ANKFN1: variants seen among roughly 807,000 people sequenced by gnomAD.
ANKFN1 encodes ankyrin repeat and fibronectin type III domain containing 1, also known as ankyrin repeat and fibronectin type-III domain-containing protein 1.
In ANKFN1, 74 loss-of-function variants were observed where a neutral mutation model predicts 108.7. The ratio of observed to expected loss-of-function variants is 0.68; its 90% CI spans 0.56 to 0.83. The LOEUF (loss-of-function observed/expected upper bound fraction) is 0.83. Among genes scored for constraint, ANKFN1 ranks in the 40% least tolerant of loss-of-function variants. The probability of loss-of-function intolerance (pLI) is 0.00; values close to 1 mark genes in which losing one functional copy is unlikely to be tolerated. For missense variants in ANKFN1, 1,505 were observed against 1,382.3 expected (o/e 1.09, Z -1.41); for synonymous variants, 547 against 516.2 (o/e 1.06, Z -0.81).
chr17:56,097,109 G>C lies in ANKFN1; in HGVS notation c.288+50784G>C, dbSNP rs113923658. On this transcript the variant is annotated intron_variant, in intron 4 of 12. Coordinates refer to the ANKFN1 transcript ENST00000635860. ...TACTTGAGGGTGGAGGGTAGGAGGA[G>C]GGTGAACATCAAAAAACTATCAGGT... Among the ~76,000 whole-genome samples, 1,366 of 152,242 alleles carry C rather than the reference G, an allele frequency of 9.0e-3. 21 individuals are homozygous for C. Among genetic ancestry groups the C allele is most frequent in the African/African-American group, 0.031 (1,296 of 41,542 alleles).
At chr17:56,086,383 C>A (rs901065877) in intron 4 of ANKFN1, among the ~76,000 whole-genome samples, 3 of 151,314 alleles carry the variant, frequency 2.0e-5, no homozygotes, top group African/African-American at 7.3e-5. Flanking sequence ...CCAGCCTGGG[C>A]AACAAGAGCA....
intron 6 of ANKFN1, among the ~76,000 whole-genome samples, chr17:56,360,358 C>T (rs556257214): frequency 6.6e-6 from 1 of 152,308 alleles, no homozygotes; most frequent in South Asian, 2.1e-4. Context: ...TTAACATTCA[C>T]ATTTCAGCTT....
At chr17:56,349,065 A>G (rs184768981) in intron 4 of ANKFN1, among the ~76,000 whole-genome samples, 138 of 152,318 alleles carry the variant, frequency 9.1e-4, no homozygotes, top group African/African-American at 3.3e-3. Flanking sequence ...AAATGAGATC[A>G]TGTTCTTTGT....
At chr17:56,084,554 G>A (rs1316282396) in intron 4 of ANKFN1, among the ~76,000 whole-genome samples, 1 of 151,320 alleles carries the variant, frequency 6.6e-6, no homozygotes, top group Non-Finnish European at 1.5e-5. Context: ...TGAAAATATC[G>A]AGCTGTGCTC....
intron 4 of ANKFN1, among the ~76,000 whole-genome samples, chr17:56,342,090 C>G (rs2045974139): frequency 6.6e-6 from 1 of 151,976 alleles, no homozygotes; most frequent in Non-Finnish European, 1.5e-5. Context: ...GGTTTATGTG[C>G]ATAGAGGTGT....
chr17:56,146,234 C>A (rs1206303024), intron 4 of ANKFN1, among the ~76,000 whole-genome samples: 2 of 152,086 alleles, frequency 1.3e-5, no homozygotes, highest in Admixed American at 6.5e-5. Context: ...GGGTACAGGC[C>A]CCCTCTCAGC....
intron 11 of ANKFN1, among the ~76,000 whole-genome samples, 194 bp downstream of exon 11, chr17:56,449,380 C>G (rs1199843053): frequency 6.6e-6 from 1 of 152,078 alleles, no homozygotes; most frequent in Non-Finnish European, 1.5e-5. Context: ...TCGCTCACTT[C>G]CTTTCCCTCT....
intron 8 of ANKFN1, among the ~76,000 whole-genome samples, chr17:56,409,679 G>C (rs1197380404): frequency 6.6e-6 from 1 of 152,132 alleles, no homozygotes; most frequent in Non-Finnish European, 1.5e-5. Flanking sequence ...TGTTCCTCCT[G>C]ATTGAGCCAA....
intron 6 of ANKFN1, among the ~76,000 whole-genome samples, chr17:56,357,995 G>A (rs1251144150): frequency 2.0e-5 from 3 of 152,134 alleles, no homozygotes; most frequent in African/African-American, 7.2e-5. Context: ...GTGCAGTCAG[G>A]ATTTGAACCC....
intron 3 of ANKFN1, among the ~76,000 whole-genome samples, chr17:56,319,448 A>G (rs2045301570): frequency 6.6e-6 from 1 of 152,192 alleles, no homozygotes; most frequent in African/African-American, 2.4e-5. Context: ...GCTTTGAATC[A>G]CCAATAAAAG....
At chr17:56,198,352 A>G (rs1209906110) in intron 1 of ANKFN1, among the ~76,000 whole-genome samples, 1 of 152,150 alleles carries the variant, frequency 6.6e-6, no homozygotes, top group East Asian at 1.9e-4. Context: ...TCTCACATGC[A>G]CTGTTCACAG....
At chr17:56,285,744 C>G (rs1166805455) in intron 3 of ANKFN1, among the ~76,000 whole-genome samples, 1 of 152,106 alleles carries the variant, frequency 6.6e-6, no homozygotes. Flanking sequence ...CCTCAATTCT[C>G]CAAATAGTCT....
chr17:56,363,595 A>T (rs1450478680), intron 6 of ANKFN1, among the ~76,000 whole-genome samples: 1 of 152,196 alleles, frequency 6.6e-6, no homozygotes, highest in Non-Finnish European at 1.5e-5. Context: ...GTTTGAAATC[A>T]GTTTGTCAAA....
At chr17:56,279,928 AGC>A (rs1191852706) in intron 3 of ANKFN1, among the ~76,000 whole-genome samples, 1 of 151,968 alleles carries the variant, frequency 6.6e-6, no homozygotes, top group Non-Finnish European at 1.5e-5. Flanking sequence ...TTAAAAGGAG[AGC>A]TTTTAAAAAT....
At chr17:56,381,613 C>G (rs2047107172) in intron 8 of ANKFN1, among the ~76,000 whole-genome samples, 4 of 152,116 alleles carry the variant, frequency 2.6e-5, no homozygotes, top group Non-Finnish European at 2.9e-5. Context: ...AGCTGAAAGC[C>G]AAGGCTCGAG....
At chr17:56,209,479 A>G (rs1914800061) in intron 1 of ANKFN1, among the ~76,000 whole-genome samples, 1 of 152,224 alleles carries the variant, frequency 6.6e-6, no homozygotes, top group African/African-American at 2.4e-5. Flanking sequence ...TCAAAGAGAC[A>G]GATTGTCAAG....
intron 20 of ANKFN1, among the ~76,000 whole-genome samples, chr17:56,507,832 A>G (rs905447874): frequency 1.3e-5 from 2 of 152,136 alleles, no homozygotes; most frequent in Admixed American, 6.6e-5. Context: ...TCCCCTTTGT[A>G]CAGTGATGCT....
At chr17:56,216,326 T>C (rs1489257284) in intron 2 of ANKFN1, among the ~76,000 whole-genome samples, 1 of 152,382 alleles carries the variant, frequency 6.6e-6, no homozygotes, top group African/African-American at 2.4e-5. Context: ...TATTTAATTA[T>C]AACATTTGGA....
rs190170717 is a variant in ANKFN1 at position 56,274,822 on chromosome 17, T to C, written c.53+46865T>C. On this transcript the variant is annotated intron_variant, in intron 3 of 20. Transcript: ENST00000682825. The stretch of plus-strand genomic sequence containing the variant: ...AGCCAGAGGAGGTGACTCCCACTTA[T>C]TCTGACTGGTAGCTTAATGGACCCA... 1.4e-3 allele frequency among the ~76,000 whole-genome samples: 215 copies of C among 152,316 alleles called. 1 individual carries two copies. The highest frequency in any genetic ancestry group is 5.0e-3 in the African/African-American group (208 of 41,584).
Sources: allele counts gnomAD v4.1 joint callset (sites outside exome capture counted in the v4.1 genomes callset), GRCh38; gene constraint gnomAD v4.1.1; transcripts MANE v1.5; gene names NCBI Gene and HGNC (gene_info 2026-07-23, HGNC 2026-07-21).